The following CTNNA2 variants were observed in gnomAD, a reference collection of about 807,000 sequenced individuals.
The protein encoded by CTNNA2 is catenin alpha-2.
Under a neutral mutation model 101.0 loss-of-function variants are expected in CTNNA2, and 42 were observed. The ratio of observed to expected loss-of-function variants is 0.42; its 90% CI spans 0.32 to 0.54. The LOEUF (loss-of-function observed/expected upper bound fraction) is 0.54. Among genes scored for constraint, CTNNA2 ranks in the 20% least tolerant of loss-of-function variants. The probability of loss-of-function intolerance (pLI) is 0.14; values close to 1 mark genes in which losing one functional copy is unlikely to be tolerated. For missense variants in CTNNA2, 871 were observed against 1,223.1 expected (o/e 0.71, Z 4.29); for synonymous variants, 450 against 456.4 (o/e 0.99, Z 0.18).
intron 2 of CTNNA2, among the ~76,000 whole-genome samples, chr2:79,251,384 A>G (rs1674769307): frequency 6.6e-6 from 1 of 152,132 alleles, no homozygotes; most frequent in Non-Finnish European, 1.5e-5. Flanking sequence ...GACCACAGCT[A>G]TTGTGATTGT....
intron 7 of CTNNA2, among the ~76,000 whole-genome samples, chr2:80,195,354 A>T (rs1706763323): frequency 6.6e-6 from 1 of 152,226 alleles, no homozygotes; most frequent in Admixed American, 6.5e-5. Context: ...GCCTGGGGAA[A>T]AAAAATCAAA....
At chr2:79,932,374 C>T (rs2916531) in intron 7 of CTNNA2, among the ~76,000 whole-genome samples, 7,076 of 152,176 alleles carry the variant, frequency 0.046, 232 homozygotes, top group Non-Finnish European at 0.073. Flanking sequence ...AACCAGTGAA[C>T]TTGGGATTTG....
At chr2:79,641,941 G>A (rs1334705193) in intron 1 of CTNNA2, among the ~76,000 whole-genome samples, 1 of 152,050 alleles carries the variant, frequency 6.6e-6, no homozygotes, top group Non-Finnish European at 1.5e-5. Context: ...ATATGGACAT[G>A]GTTATTTCTT....
chr2:79,222,407 C>T (rs1195785428), intron 2 of CTNNA2, among the ~76,000 whole-genome samples: 1 of 152,154 alleles, frequency 6.6e-6, no homozygotes, highest in African/African-American at 2.4e-5. Context: ...CCAGGGTACA[C>T]AGGGCTGCTG....
At chr2:80,553,774 A>T (rs1158177151) in intron 11 of CTNNA2, among the ~76,000 whole-genome samples, 1 of 152,184 alleles carries the variant, frequency 6.6e-6, no homozygotes, top group African/African-American at 2.4e-5. Context: ...CAGGACAGAA[A>T]GAGAAGCTTC....
chr2:80,103,922 T>G (rs1473127499), intron 7 of CTNNA2, among the ~76,000 whole-genome samples: 1 of 152,084 alleles, frequency 6.6e-6, no homozygotes, highest in African/African-American at 2.4e-5. Context: ...TTAGTAGAGA[T>G]TGGGTTTCGC....
chr2:79,501,508 G>A (rs1229642409), intron 4 of CTNNA2, among the ~76,000 whole-genome samples: 3 of 152,094 alleles, frequency 2.0e-5, no homozygotes, highest in Admixed American at 6.6e-5. Context: ...TTCAACTGCC[G>A]TAATAGTGAT....
chr2:80,098,099 C>T (rs1196337875), intron 7 of CTNNA2, among the ~76,000 whole-genome samples: 1 of 152,132 alleles, frequency 6.6e-6, no homozygotes, highest in African/African-American at 2.4e-5. Flanking sequence ...TTAGAGTTTC[C>T]AGTTTTTCTG....
Position 80,517,687 on chromosome 2 carries a change from T to C in CTNNA2, c.1291-27295T>C, listed in dbSNP as rs191581627. Among the ~76,000 whole-genome samples, 14 of 152,322 alleles carry C rather than the reference T, an allele frequency of 9.2e-5. No individual in the cohort carries two copies. In the East Asian group the frequency reaches 2.5e-3, roughly 27 times the overall value. On this transcript the variant is annotated intron_variant, in intron 9 of 18. Coordinates refer to ENST00000402739, the MANE Select transcript of CTNNA2 (RefSeq NM_001282597.3). ...AGAATGTCTAGAGCCGAGAGTAATA[T>C]TGGGGAATCCTGCCACAAAATGGTG... is the stretch of plus-strand genomic sequence containing the variant.
chr2:80,055,173 C>T (rs1459854298), intron 7 of CTNNA2, among the ~76,000 whole-genome samples: 1 of 151,990 alleles, frequency 6.6e-6, no homozygotes, highest in Non-Finnish European at 1.5e-5. Flanking sequence ...ACTACAGGCG[C>T]ACACCACCAT....
intron 2 of CTNNA2, among the ~76,000 whole-genome samples, chr2:79,659,107 GA>G (rs1454339775): frequency 2.0e-5 from 3 of 151,684 alleles, no homozygotes; most frequent in African/African-American, 4.8e-5. Context: ...TAAAATCAGG[GA>G]AACAGGAGGT....
chr2:80,480,925 A>G (rs1686094509), intron 9 of CTNNA2, among the ~76,000 whole-genome samples: 1 of 152,128 alleles, frequency 6.6e-6, no homozygotes, highest in South Asian at 2.1e-4. Flanking sequence ...TCCCACACCA[A>G]GGAATTCATT....
chr2:80,483,041 T>C (rs935232169), intron 9 of CTNNA2, among the ~76,000 whole-genome samples: 34 of 152,180 alleles, frequency 2.2e-4, no homozygotes, highest in African/African-American at 8.0e-4. Context: ...TCCTGAAAGC[T>C]ATCTCATTTT....
chr2:79,948,227 C>T (rs1406477377), intron 7 of CTNNA2, among the ~76,000 whole-genome samples: 1 of 152,226 alleles, frequency 6.6e-6, no homozygotes, highest in East Asian at 1.9e-4. Flanking sequence ...TTCCCTAGCA[C>T]AGAGCTGCAT....
intron 7 of CTNNA2, among the ~76,000 whole-genome samples, chr2:80,314,980 G>A (rs1363269980): frequency 1.3e-5 from 2 of 152,104 alleles, no homozygotes; most frequent in Non-Finnish European, 2.9e-5. Context: ...TGTGTGATCT[G>A]GGCAAGTGAC....
chr2:79,586,533 T>TTC (rs1676501876), intron 1 of CTNNA2, among the ~76,000 whole-genome samples: 1 of 151,712 alleles, frequency 6.6e-6, no homozygotes, highest in Non-Finnish European at 1.5e-5. Context: ...TTTTCTTTTT[T>TTC]TTTAGCACTT....
intron 7 of CTNNA2, among the ~76,000 whole-genome samples, chr2:79,938,963 C>G (rs1221971817): frequency 6.6e-6 from 1 of 152,146 alleles, no homozygotes; most frequent in African/African-American, 2.4e-5. Context: ...CACTGACAGA[C>G]AATGCCATGG....
chr2:80,442,256 A>G (rs559222147), intron 9 of CTNNA2, among the ~76,000 whole-genome samples: 1 of 152,248 alleles, frequency 6.6e-6, no homozygotes, highest in East Asian at 1.9e-4. Context: ...TCATGAGTCT[A>G]TTCTCAAAGC....
intron 2 of CTNNA2, among the ~76,000 whole-genome samples, chr2:79,731,949 A>C (rs1687225964): frequency 6.6e-6 from 1 of 152,006 alleles, no homozygotes; most frequent in African/African-American, 2.4e-5. Flanking sequence ...AAATGACATT[A>C]AAAAGAGTAA....
Sources: gnomAD v4.1 joint callset for allele counts (sites outside exome capture counted in the v4.1 genomes callset) on GRCh38, gnomAD v4.1.1 for gene constraint, MANE v1.5 for transcripts, NCBI Gene and HGNC (gene_info 2026-07-23, HGNC 2026-07-21) for gene names.